The following THBD variants were observed in gnomAD, a reference collection of about 807,000 sequenced individuals.
The protein encoded by THBD is CD141 antigen.
For missense variants in THBD, 850 were observed against 816.9 expected (o/e 1.04, Z -0.49); for synonymous variants, 449 against 374.2 (o/e 1.20, Z -2.31).
Position 23,049,588 on chromosome 20 carries a change from G to T in THBD, c.-84C>A. 2 of 1,512,410 alleles carry T rather than the reference G, an allele frequency of 1.3e-6. No homozygotes were observed. Among genetic ancestry groups the T allele is most frequent in the Non-Finnish European group, 1.8e-6 (2 of 1,114,530 alleles). The allele number at this position is 1,512,410 out of a possible 1,614,324, so 93.7% of individuals were successfully genotyped here. A position where few individuals can be genotyped will look rare whatever the true frequency, so the allele number is the denominator to read the frequency against. ...GTGCCGGAGCAGAGGGGCACAGGAC[G>T]CCGATGGCGACAGCCTCTCCTGTCC... On this transcript the variant is annotated 5_prime_UTR_variant, in exon 1 of 1. Coordinates refer to ENST00000377103, the MANE Select transcript of THBD (RefSeq NM_000361.3).
In THBD at chr20:23,048,924, C is replaced by T. The variant is rs1343751472; in HGVS notation, c.581G>A (p.Gly194Asp). Residue 194 changes from glycine (G) to aspartate (D), a missense_variant, in exon 1 of 1, where the codon GGC becomes GAC. By Grantham distance (94) the Gly-to-Asp change is moderately conservative. Coordinates refer to ENST00000377103, the MANE Select transcript of THBD (RefSeq NM_000361.3). ...AAAAAVSITY[G>D]TPFAARGADF... is the part of the protein sequence containing the mutation. ...CGCTCCGCGGGCCGCGAACGGGGTG[C>T]CGTAGGTGATCGAGACGGCGGCAGC... is the stretch of plus-strand genomic sequence containing the variant. The T allele has an allele frequency of 6.5e-7, 1 of 1,535,710 alleles. No individual in the cohort carries two copies. The highest frequency in any genetic ancestry group is 8.7e-7 in the Non-Finnish European group (1 of 1,144,402).
At position 23,048,904 on chromosome 20, in the gene THBD, C is replaced by A; in HGVS notation, c.601G>T (p.Gly201Ter). The A allele has an allele frequency of 6.6e-7, 1 of 1,521,686 alleles. No individual in the cohort carries two copies. The allele number at this position is 1,521,686 out of a possible 1,614,324, so 94.3% of individuals were successfully genotyped here. The part of the protein sequence containing the change: ...ITYGTPFAAR[G>*]ADFQALPVGS... Reference sequence around the variant, plus strand: ...ACCGGCAGCGCCTGGAAGTCCGCTCCGCGGGCCGCGAACGGGGTGCCGTAG... The same window carrying A: ...ACCGGCAGCGCCTGGAAGTCCGCTCAGCGGGCCGCGAACGGGGTGCCGTAG... Residue 201 changes from glycine (G) to a stop codon, truncating the protein, a stop_gained, in exon 1 of 1, where the codon GGA becomes TGA. Coordinates refer to ENST00000377103, the MANE Select transcript of THBD (RefSeq NM_000361.3). LOFTEE classifies it low-confidence loss of function (END_TRUNC).
Position 23,047,722 on chromosome 20 carries a change from G to A in THBD, c.*55C>T, listed in dbSNP as rs1241667434. 2 of 1,526,628 alleles carry A rather than the reference G, an allele frequency of 1.3e-6. No homozygotes were observed. The highest frequency in any genetic ancestry group is 8.8e-7 in the Non-Finnish European group (1 of 1,135,002). The allele number at this position is 1,526,628 out of a possible 1,614,324, so 94.6% of individuals were successfully genotyped here. On this transcript the variant is annotated 3_prime_UTR_variant, in exon 1 of 1. Coordinates refer to ENST00000377103, the MANE Select transcript of THBD (RefSeq NM_000361.3). ...GCTAAGGTGCTTTGGTAGCAAAGCT[G>A]GGGGTGAGGAGGCACAGGCTCCTGG...
chr20:23,047,060 T>C lies in THBD; in HGVS notation c.*717A>G, dbSNP rs543416665. 2.0e-5 allele frequency: 3 copies of C among 152,374 alleles called. No homozygotes were observed. The South Asian group carries it at 6.2e-4, about 32-fold the overall frequency. 9.4% of individuals were successfully genotyped at this position (152,374 alleles called of 1,614,324 possible). A position where few individuals can be genotyped will look rare whatever the true frequency, so the allele number is the denominator to read the frequency against. On this transcript the variant is annotated 3_prime_UTR_variant, in exon 1 of 1. Transcript: ENST00000377103. ...AAATTTCAGGATAAATTAGCAAATC[T>C]GGTGAAAAAGCAAATGGCCATTTTT...
chr20:23,049,192 G>T lies in THBD; in HGVS notation c.313C>A (p.Leu105Met). The change falls in exon 1 of 1, where the codon CTG becomes ATG. Residue 105 changes from leucine to methionine, a missense_variant. Leu to Met is a conservative substitution (Grantham distance 15, BLOSUM62 2). Coordinates refer to ENST00000377103, the MANE Select transcript of THBD (RefSeq NM_000361.3). ...GCGDPKRLGP[L>M]RGFQWVTGDN... is the part of the protein sequence containing the mutation. Reference sequence around the variant, plus strand: ...CCCGTAACCCACTGGAAGCCGCGCAGGGGCCCGAGGCGCTTGGGGTCGCCG... The same window carrying T: ...CCCGTAACCCACTGGAAGCCGCGCATGGGCCCGAGGCGCTTGGGGTCGCCG... 6.4e-7 allele frequency: 1 copy of T among 1,566,648 alleles called. No homozygotes were observed. The highest frequency in any genetic ancestry group is 2.3e-5 in the East Asian group (1 of 42,944).
Position 23,047,775 on chromosome 20 carries a change from G to T in THBD, c.*2C>A. 2 of 1,577,884 alleles carry T rather than the reference G, an allele frequency of 1.3e-6. No homozygotes were observed. Among genetic ancestry groups the T allele is most frequent in the South Asian group, 1.2e-5 (1 of 86,834 alleles). Reference sequence around the variant, plus strand: ...GGAGCCAGGCTCCTGGACGGAGGCCGCTCAGAGTCTCTGCGGCGTCCGCTC... The same window carrying T: ...GGAGCCAGGCTCCTGGACGGAGGCCTCTCAGAGTCTCTGCGGCGTCCGCTC... On this transcript the variant is annotated 3_prime_UTR_variant, in exon 1 of 1. Transcript: ENST00000377103.
chr20:23,046,360 T>C lies in THBD; in HGVS notation c.*1417A>G, dbSNP rs1984569555. ...ACTTATAACTGATCTATATTTCATG[T>C]ATTCCAGAAAATTGGAAGCAGTCTG... is the stretch of plus-strand genomic sequence containing the variant. On this transcript the variant is annotated 3_prime_UTR_variant, in exon 1 of 1. Transcript: ENST00000377103. 6.6e-6 allele frequency: 1 copy of C among 152,288 alleles called. No individual in the cohort carries two copies. The highest frequency in any genetic ancestry group is 1.5e-5 in the Non-Finnish European group (1 of 68,044). The allele number at this position is 152,288 out of a possible 1,614,324, so 9.4% of individuals were successfully genotyped here.
rs1476826820 is a variant in THBD at position 23,046,001 on chromosome 20, ATTG to A, written c.*1773_*1775del. 3 of 152,344 alleles carry A rather than the reference ATTG, an allele frequency of 2.0e-5. No homozygotes were observed. The East Asian group carries it at 5.8e-4, about 29-fold the overall frequency. 9.4% of individuals were successfully genotyped at this position (152,344 alleles called of 1,614,324 possible). ...GAACAGACACACAACCCGAGAGCAC[ATTG>A]TTATTTGTTTATTTTGTACAAGTGA... is the stretch of plus-strand genomic sequence containing the variant. On this transcript the variant is annotated 3_prime_UTR_variant, in exon 1 of 1. Transcript: ENST00000377103.
Position 23,048,051 on chromosome 20 carries a change from A to G in THBD, c.1454T>C (p.Val485Ala). ...HIGTDCDSGK[V>A]DGGDSGSGEP... ...GCCAGAGCCGCTGTCGCCACCGTCC[A>G]CCTTGCCGGAGTCACAGTCGGTGCC... Residue 485 changes from valine to alanine, a missense_variant, in exon 1 of 1, where the codon GTG (valine) becomes GCG (alanine). Coordinates refer to ENST00000377103, the MANE Select transcript of THBD (RefSeq NM_000361.3). The G allele has an allele frequency of 1.2e-6, 2 of 1,612,350 alleles. No individual in the cohort carries two copies. The highest frequency in any genetic ancestry group is 1.7e-6 in the Non-Finnish European group (2 of 1,179,420).
At position 23,047,320 on chromosome 20, in the gene THBD, G is replaced by T. The variant is rs946142867; in HGVS notation, c.*457C>A. ...CCTGTCACATGACAAGTGGGAGTTT[G>T]TAGAGAGAGAGAGACCGGAGAGCTG... is the stretch of plus-strand genomic sequence containing the variant. On this transcript the variant is annotated 3_prime_UTR_variant, in exon 1 of 1. Coordinates refer to ENST00000377103, the MANE Select transcript of THBD (RefSeq NM_000361.3). 6.2e-6 allele frequency: 1 copy of T among 160,940 alleles called. No homozygotes were observed. Among genetic ancestry groups the T allele is most frequent in the African/African-American group, 2.4e-5 (1 of 41,706 alleles). 10.0% of individuals were successfully genotyped at this position (160,940 alleles called of 1,614,324 possible). A position where few individuals can be genotyped will look rare whatever the true frequency, so the allele number is the denominator to read the frequency against.
At position 23,046,356 on chromosome 20, in the gene THBD, C is replaced by G. The variant is rs1424173923; in HGVS notation, c.*1421G>C. The G allele has an allele frequency of 1.3e-5, 2 of 152,256 alleles. No individual in the cohort carries two copies. The highest frequency in any genetic ancestry group is 2.9e-5 in the Non-Finnish European group (2 of 68,046). 9.4% of individuals were successfully genotyped at this position (152,256 alleles called of 1,614,324 possible). On this transcript the variant is annotated 3_prime_UTR_variant, in exon 1 of 1. Transcript: ENST00000377103. ...TGCTACTTATAACTGATCTATATTTCATGTATTCCAGAAAATTGGAAGCAG... is the reference window on the plus strand; with the variant it reads ...TGCTACTTATAACTGATCTATATTTGATGTATTCCAGAAAATTGGAAGCAG...
rs1984676284 is a variant in THBD, at chr20:23,049,290, G to A, written c.215C>T (p.Ser72Phe). Residue 72 changes from serine to phenylalanine, a missense_variant, in exon 1 of 1, where the codon TCC becomes TTC. Coordinates refer to ENST00000377103, the MANE Select transcript of THBD (RefSeq NM_000361.3). ...GCCGCCGTCGCCGTTCAGTAGCAAG[G>A]AAATGACATCGGCAGCCACCGAGGA... The part of the protein sequence containing the change: ...VRSSVAADVI[S>F]LLLNGDGGVG... The A allele has an allele frequency of 6.3e-7, 1 of 1,576,924 alleles. No homozygotes were observed. Among genetic ancestry groups the A allele is most frequent in the South Asian group, 1.2e-5 (1 of 86,318 alleles).
Position 23,047,489 on chromosome 20 carries a change from C to A in THBD, c.*288G>T. The A allele has an allele frequency of 2.1e-6, 1 of 486,412 alleles. No homozygotes were observed. Among genetic ancestry groups the A allele is most frequent in the Non-Finnish European group, 3.6e-6 (1 of 274,696 alleles). The allele number at this position is 486,412 out of a possible 1,614,324, so 30.1% of individuals were successfully genotyped here. A position where few individuals can be genotyped will look rare whatever the true frequency, so the allele number is the denominator to read the frequency against. ...AAGGCTGCCGACCAATAACGCTCAC[C>A]CTCCTGCGCCCGGTAGTGAGGACCT... On this transcript the variant is annotated 3_prime_UTR_variant, in exon 1 of 1. Transcript: ENST00000377103.
In THBD at chr20:23,049,659, G is replaced by T; in HGVS notation, c.-155C>A. On this transcript the variant is annotated 5_prime_UTR_variant, in exon 1 of 1. Coordinates refer to ENST00000377103, the MANE Select transcript of THBD (RefSeq NM_000361.3). ...TGCCGCTGCGCGCAGCCCCTGCGAGGCAGCCTCTGACATGCGGATCGGCCA... is the reference window on the plus strand; with the variant it reads ...TGCCGCTGCGCGCAGCCCCTGCGAGTCAGCCTCTGACATGCGGATCGGCCA... The T allele has an allele frequency of 9.6e-7, 1 of 1,044,984 alleles. No individual in the cohort carries two copies. The highest frequency in any genetic ancestry group is 2.1e-5 in the Admixed American group (1 of 46,630). 64.7% of individuals were successfully genotyped at this position (1,044,984 alleles called of 1,614,324 possible).
chr20:23,049,109 G>A lies in THBD; in HGVS notation c.396C>T (p.Leu132=), dbSNP rs756647736. ...AGACAGCGACGCACAACGGGCCGCA[G>A]AGGGGAGCCCCATTGAGGTCGAGCC... The part of the protein sequence containing the change: ...WARLDLNGAP[L]CGPLCVAVSA... Residue 132 remains leucine, a synonymous_variant, in exon 1 of 1, where the codon CTC becomes CTT. Transcript: ENST00000377103. 5.7e-6 allele frequency: 9 copies of A among 1,591,084 alleles called. No homozygotes were observed. The East Asian group carries it at 6.8e-5, about 12-fold the overall frequency.
chr20:23,047,475 C>CGAAGA lies in THBD; in HGVS notation c.*301_*302insTCTTC. 1 of 505,562 alleles carries CGAAGA rather than the reference C, an allele frequency of 2.0e-6. No individual in the cohort carries two copies. The highest frequency in any genetic ancestry group is 3.5e-6 in the Non-Finnish European group (1 of 285,944). 31.3% of individuals were successfully genotyped at this position (505,562 alleles called of 1,614,324 possible). ...CAAGGTCTGCCCAGAAGGCTGCCGA[C>CGAAGA]CAATAACGCTCACCCTCCTGCGCCC... is the stretch of plus-strand genomic sequence containing the variant. On this transcript the variant is annotated 3_prime_UTR_variant, in exon 1 of 1. Coordinates refer to ENST00000377103, the MANE Select transcript of THBD (RefSeq NM_000361.3).
rs767387212 is a variant in THBD at position 23,047,897 on chromosome 20, G to A, written c.1608C>T (p.Leu536=). The change falls in exon 1 of 1, where the codon CTC becomes CTT. Residue 536 remains leucine, a synonymous_variant. Coordinates refer to ENST00000377103, the MANE Select transcript of THBD (RefSeq NM_000361.3). ...LCLVVALLAL[L]CHLRKKQGAA... ...CGCCCTGCTTCTTGCGCAGGTGGCA[G>A]AGGAGCGCCAAAAGCGCCACCACCA... 1 of 1,608,010 alleles carries A rather than the reference G, an allele frequency of 6.2e-7. No homozygotes were observed. Among genetic ancestry groups the A allele is most frequent in the South Asian group, 1.1e-5 (1 of 90,008 alleles).
chr20:23,049,596 C>T lies in THBD; in HGVS notation c.-92G>A. The T allele has an allele frequency of 1.3e-6, 2 of 1,490,518 alleles. No individual in the cohort carries two copies. The highest frequency in any genetic ancestry group is 1.8e-6 in the Non-Finnish European group (2 of 1,094,518). The allele number at this position is 1,490,518 out of a possible 1,614,324, so 92.3% of individuals were successfully genotyped here. On this transcript the variant is annotated 5_prime_UTR_variant, in exon 1 of 1. Coordinates refer to ENST00000377103, the MANE Select transcript of THBD (RefSeq NM_000361.3). The stretch of plus-strand genomic sequence containing the variant: ...GCAGAGGGGCACAGGACGCCGATGG[C>T]GACAGCCTCTCCTGTCCGTCCCAGC...
Position 23,048,005 on chromosome 20 carries a change from C to A in THBD, c.1500G>T (p.Thr500=), listed in dbSNP as rs921671166. ...SGSGEPPPSP[T]PGSTLTPPAV... ...CCGGAGGAGTCAAGGTGGAGCCGGG[C>A]GTCGGGCTGGGCGGGGGCTCGCCAG... The change falls in exon 1 of 1, where the codon ACG becomes ACT. Residue 500 remains threonine (T), a synonymous_variant. Transcript: ENST00000377103. The A allele has an allele frequency of 1.9e-5, 30 of 1,608,514 alleles. No individual in the cohort carries two copies. Among genetic ancestry groups the A allele is most frequent in the African/African-American group, 2.7e-5 (2 of 74,858 alleles).
Sources: allele counts gnomAD v4.1 joint callset, GRCh38; gene constraint gnomAD v4.1.1; transcripts MANE v1.5; gene names NCBI Gene and HGNC (gene_info 2026-07-23, HGNC 2026-07-21).